Variants in STAP2 observed in about 807,000 individuals in gnomAD.
STAP2 encodes the protein signal transducing adaptor family member 2.
A neutral mutation model predicts 52.7 loss-of-function variants in STAP2; 58 were observed. The ratio of observed to expected loss-of-function variants is 1.10; its 90% confidence interval spans 0.89 to 1.37. The LOEUF is 1.37. Among genes scored for constraint, STAP2 ranks in the 40% most tolerant of loss-of-function variants. The pLI, the probability that STAP2 is intolerant of heterozygous loss-of-function variation, is 0.00. For synonymous variants in STAP2, 231 were observed against 210.5 expected (o/e 1.10, Z -0.84); for missense variants, 522 against 519.4 (o/e 1.00, Z -0.05).
At chr19:4,331,619 G>C (rs1296408165) in intron 4 of STAP2, among the ~76,000 whole-genome samples, 1 of 151,180 alleles carries the variant, frequency 6.6e-6, no homozygotes, top group Admixed American at 6.6e-5. Context: ...AACAGAGTGA[G>C]ACTCTGTCTC....
intron 3 of STAP2, among the ~76,000 whole-genome samples, chr19:4,332,727 G>A (rs1971913898): frequency 6.6e-6 from 1 of 151,868 alleles, no homozygotes; most frequent in South Asian, 2.1e-4. Flanking sequence ...GCTTGGCTGA[G>A]GTAGGAGGAT....
At position 4,328,694 on chromosome 19, in the gene STAP2, T is replaced by C; in HGVS notation, c.571A>G (p.Thr191Ala). Residue 191 changes from threonine to alanine, a missense_variant, in exon 6 of 13, where the codon ACG (threonine) becomes GCG (alanine). Coordinates refer to ENST00000594605, the MANE Select transcript of STAP2 (RefSeq NM_001013841.2). ...GDGADGVSVT[T>A]RQMHNGTHVV... ...GCGCACCCGTTGTGCATCTGCCGCG[T>C]GGTGACCGACACGCCGTCGGCGCCG... 1.3e-6 allele frequency: 2 copies of C among 1,585,560 alleles called. No homozygotes were observed. Among genetic ancestry groups the C allele is most frequent in the Non-Finnish European group, 1.7e-6 (2 of 1,165,674 alleles).
chr19:4,334,454 A>G (rs1161594002), intron 1 of STAP2, among the ~76,000 whole-genome samples: 1 of 151,148 alleles, frequency 6.6e-6, no homozygotes, highest in East Asian at 1.9e-4. Context: ...CCATTCATCC[A>G]TCCACCTACC....
chr19:4,331,831 C>G (rs1971895756), intron 4 of STAP2, among the ~76,000 whole-genome samples, 191 bp downstream of exon 4: 1 of 152,054 alleles, frequency 6.6e-6, no homozygotes, highest in African/African-American at 2.4e-5. Flanking sequence ...ACTCCGGAGG[C>G]TGAGGCACGA....
At chr19:4,328,554 G>A (rs1044069456) in intron 6 of STAP2, 121 bp downstream of exon 6, 2 of 1,366,496 alleles carry the variant, frequency 1.5e-6, no homozygotes, top group Admixed American at 2.1e-5. Flanking sequence ...CTCGGCTCTG[G>A]CTCCGTCCCC....
intron 3 of STAP2, 124 bp from the exon 4 acceptor site, chr19:4,332,202 T>C (rs1261702939): frequency 1.4e-5 from 3 of 216,320 alleles, no homozygotes; most frequent in South Asian, 9.5e-5. Flanking sequence ...TCTTCTTTTT[T>C]TTTTTTTTTT....
chr19:4,328,839 C>A, intron 5 of STAP2, 30 bp from the exon 6 acceptor site: 1 of 1,601,792 alleles, frequency 6.2e-7, no homozygotes, highest in Non-Finnish European at 8.5e-7. Context: ...CCACTCGGGA[C>A]CCCGGAGACC....
intron 11 of STAP2, 31 bp downstream of exon 11, chr19:4,325,185 G>A: frequency 6.5e-7 from 1 of 1,543,164 alleles, no homozygotes; most frequent in Non-Finnish European, 8.8e-7. Context: ...CCTGCCATCA[G>A]GTGAGGGTGG....
rs1426468567 is a variant in STAP2, at chr19:4,324,104, C to G, written c.*29G>C. On this transcript the variant is annotated 3_prime_UTR_variant, in exon 13 of 13. Transcript: ENST00000594605. Reference sequence around the variant, plus strand: ...CTGGCCGCTGGGCCATGCCCTGGGACTAGCCCGCTGGTCCCTGGTGTGTCC... The same window carrying G: ...CTGGCCGCTGGGCCATGCCCTGGGAGTAGCCCGCTGGTCCCTGGTGTGTCC... The G allele has an allele frequency of 6.5e-7, 1 of 1,550,220 alleles. No homozygotes were observed. Among genetic ancestry groups the G allele is most frequent in the Non-Finnish European group, 8.7e-7 (1 of 1,145,946 alleles).
chr19:4,328,538 G>T (rs934453101), intron 6 of STAP2, 137 bp downstream of exon 6: 17 of 1,210,830 alleles, frequency 1.4e-5, no homozygotes, highest in Non-Finnish European at 1.1e-5. Context: ...GTCCCCAGAC[G>T]CCCGTCTCGG....
At chr19:4,328,562 C>T in intron 6 of STAP2, 113 bp downstream of exon 6, 1 of 1,413,044 alleles carries the variant, frequency 7.1e-7, no homozygotes, top group Non-Finnish European at 9.6e-7. Context: ...TGGCTCCGTC[C>T]CCTGGCCTAC....
Position 4,331,623 on chromosome 19 carries a change from CTG to C in STAP2, c.354+397_354+398del, listed in dbSNP as rs570351495. ...CCAGCCTGGGCAACAGAGTGAGACT[CTG>C]TCTCAAAAAAATAAAACAAAATTTT... On this transcript the variant is annotated intron_variant, in intron 4 of 12. Coordinates refer to ENST00000594605, the MANE Select transcript of STAP2 (RefSeq NM_001013841.2). Among the ~76,000 whole-genome samples, 424 of 150,788 alleles carry C rather than the reference CTG, an allele frequency of 2.8e-3. 2 individuals are homozygous for C. Among genetic ancestry groups the C allele is most frequent in the Non-Finnish European group, 4.7e-3 (317 of 67,718 alleles).
chr19:4,324,456 G>C lies in STAP2; in HGVS notation c.1146C>G (p.Ala382=). 1 of 1,566,088 alleles carries C rather than the reference G, an allele frequency of 6.4e-7. No individual in the cohort carries two copies. The highest frequency in any genetic ancestry group is 1.3e-5 in the African/African-American group (1 of 74,256). The change falls in exon 12 of 13, where the codon GCC becomes GCG. Residue 382 remains alanine (A), a splice_region_variant and synonymous_variant. Transcript: ENST00000594605. The part of the protein sequence containing the change: ...VSSAQPLFPT[A]GLADMTAELQ... ...GCACTGACCCCGCAGACCCCTTACC[G>C]GCTGTGGGGAAGAGAGGCTGGGCTG...
intron 3 of STAP2, among the ~76,000 whole-genome samples, chr19:4,333,056 G>A (rs1971919083): frequency 6.6e-6 from 1 of 151,000 alleles, no homozygotes; most frequent in Non-Finnish European, 1.5e-5. Flanking sequence ...TGTGCGTGGT[G>A]GCACACGCCT....
rs1298023016 is a variant in STAP2 at position 4,338,642 on chromosome 19, C to T, written c.102+10G>A. On this transcript the variant is annotated intron_variant, in intron 1 of 12. Coordinates refer to ENST00000594605, the MANE Select transcript of STAP2 (RefSeq NM_001013841.2). ...GCCCAGCAGGGCCAGCCCCCGCCTC[C>T]CCACCTTACCCGGTCACAGGGCCCC... is the stretch of plus-strand genomic sequence containing the variant. The T allele has an allele frequency of 5.6e-6, 9 of 1,611,476 alleles. No homozygotes were observed. Among genetic ancestry groups the T allele is most frequent in the African/African-American group, 1.3e-5 (1 of 74,936 alleles).
intron 1 of STAP2, 83 bp downstream of exon 1, chr19:4,338,569 C>CCCGG: frequency 2.6e-6 from 1 of 389,930 alleles, no homozygotes; most frequent in Non-Finnish European, 4.8e-6. Flanking sequence ...CCCCCCTTGG[C>CCCGG]GAGTGGGGAG....
At position 4,325,202 on chromosome 19, in the gene STAP2, G is replaced by C. The variant is rs1181730481; in HGVS notation, c.1072+14C>G. 1.3e-6 allele frequency: 2 copies of C among 1,570,428 alleles called. No individual in the cohort carries two copies. The highest frequency in any genetic ancestry group is 3.8e-5 in the Admixed American group (2 of 52,846). ...TGCCATCAGGTGAGGGTGGGATATG[G>C]GGGGGACCCCAACCTGGCTTGGGTC... On this transcript the variant is annotated intron_variant, in intron 11 of 12. Coordinates refer to ENST00000594605, the MANE Select transcript of STAP2 (RefSeq NM_001013841.2).
At chr19:4,338,531 G>C (rs996108197) in intron 1 of STAP2, 121 bp downstream of exon 1, 3 of 954,648 alleles carry the variant, frequency 3.1e-6, no homozygotes, top group African/African-American at 1.6e-5. Context: ...CCCAGCACGT[G>C]TCCTGCCCCA....
At chr19:4,337,379 G>T (rs1321183815) in intron 1 of STAP2, among the ~76,000 whole-genome samples, 1 of 150,854 alleles carries the variant, frequency 6.6e-6, no homozygotes, top group Admixed American at 6.6e-5. Flanking sequence ...TCACAGGCAC[G>T]CACCACCACG....
Sources: allele counts gnomAD v4.1 joint callset (sites outside exome capture counted in the v4.1 genomes callset), GRCh38; gene constraint gnomAD v4.1.1; transcripts MANE v1.5; gene names NCBI Gene and HGNC (gene_info 2026-07-23, HGNC 2026-07-21).